GPHN: variants seen among roughly 807,000 people sequenced by gnomAD.
The protein encoded by GPHN is gephyrin.
Under a neutral mutation model 95.5 loss-of-function variants are expected in GPHN, and 17 were observed. The ratio of observed to expected loss-of-function variants is 0.18; its 90% CI spans 0.12 to 0.27. GPHN has a LOEUF of 0.27. Ranked by LOEUF, GPHN falls within the 10% of genes least tolerant of loss-of-function variation. The pLI, the probability that GPHN is intolerant of heterozygous loss-of-function variation, is 1.00. For synonymous variants in GPHN, 320 were observed against 322.5 expected (o/e 0.99, Z 0.08); for missense variants, 660 against 978.1 (o/e 0.67, Z 4.34).
intron 12 of GPHN, among the ~76,000 whole-genome samples, chr14:67,089,754 G>C (rs2077072329): frequency 6.6e-6 from 1 of 152,142 alleles, no homozygotes; most frequent in South Asian, 2.1e-4. Flanking sequence ...TTCTCTAGAA[G>C]ACATCATATT....
intron 1 of GPHN, among the ~76,000 whole-genome samples, chr14:66,545,610 T>C: frequency 1.8e-5 from 2 of 110,752 alleles, no homozygotes; most frequent in Admixed American, 9.0e-5. Context: ...GGCGGGGGGC[T>C]GACCCCCCCA....
At chr14:67,471,621 C>G in the GPHN span, 1 of 152,182 alleles carries the variant, frequency 6.6e-6, no homozygotes, top group Non-Finnish European at 1.5e-5. Context: ...ATTTGAGGAG[C>G]CTGCCCAGGA....
At chr14:66,569,203 TC>T (rs1290067374) in intron 1 of GPHN, among the ~76,000 whole-genome samples, 2 of 152,204 alleles carry the variant, frequency 1.3e-5, no homozygotes, top group African/African-American at 4.8e-5. Context: ...CAACCTTAAA[TC>T]TTTTAGTGTT....
chr14:67,731,758 C>T, the GPHN span, among the ~76,000 whole-genome samples: 2 of 151,962 alleles, frequency 1.3e-5, no homozygotes, highest in Non-Finnish European at 2.9e-5. Context: ...GTGGTTACTT[C>T]CAGGGAGTTT....
intron 1 of GPHN, among the ~76,000 whole-genome samples, chr14:66,575,774 G>A (rs529930321): frequency 6.6e-6 from 1 of 152,106 alleles, no homozygotes; most frequent in Non-Finnish European, 1.5e-5. Context: ...CTGTGTCTAT[G>A]GGGGGCTGGC....
intron 2 of GPHN, among the ~76,000 whole-genome samples, chr14:66,741,971 A>T (rs1156682872): frequency 1.3e-5 from 2 of 152,170 alleles, no homozygotes; most frequent in Non-Finnish European, 2.9e-5. Flanking sequence ...GGTTCCAGTG[A>T]GTCTTTCTTT....
intron 2 of GPHN, among the ~76,000 whole-genome samples, chr14:66,697,769 C>G (rs1403966961): frequency 1.3e-5 from 2 of 150,058 alleles, no homozygotes; most frequent in Non-Finnish European, 2.9e-5. Context: ...CTTACTGCTG[C>G]TTCTGCCTCC....
At chr14:67,569,813 C>A in the GPHN span, 1 of 733,606 alleles carries the variant, frequency 1.4e-6, no homozygotes, top group Non-Finnish European at 2.4e-6. Flanking sequence ...TGAGATCTGT[C>A]ACTGGCCTGC....
At chr14:67,490,906 GATATGCCCCCC>G in the GPHN span, among the ~76,000 whole-genome samples, 2 of 152,176 alleles carry the variant, frequency 1.3e-5, no homozygotes, top group Admixed American at 1.3e-4. Flanking sequence ...GAGGGGGGCA[GATATGCCCCCC>G]ATATCTGGTC....
chr14:67,730,812 C>G, the GPHN span, among the ~76,000 whole-genome samples: 1 of 152,124 alleles, frequency 6.6e-6, no homozygotes, highest in Admixed American at 6.6e-5. Flanking sequence ...CCATGTTGGC[C>G]AGGCTGGTCT....
At chr14:67,678,073 T>A in the GPHN span, 1 of 389,518 alleles carries the variant, frequency 2.6e-6, no homozygotes, top group Non-Finnish European at 4.8e-6. Flanking sequence ...CATATGAGGG[T>A]CTTCTTATCC....
At chr14:66,577,619 T>G (rs1486004174) in intron 1 of GPHN, among the ~76,000 whole-genome samples, 1 of 152,268 alleles carries the variant, frequency 6.6e-6, no homozygotes, top group East Asian at 1.9e-4. Flanking sequence ...TGAATACATA[T>G]GCAATCTGCT....
At chr14:67,519,719 T>G in the GPHN span, among the ~76,000 whole-genome samples, 2 of 151,786 alleles carry the variant, frequency 1.3e-5, no homozygotes, top group African/African-American at 4.8e-5. Context: ...AGTTTGTTTT[T>G]TTTTTTTTTT....
chr14:67,438,230 G>T, the GPHN span, among the ~76,000 whole-genome samples: 1 of 152,288 alleles, frequency 6.6e-6, no homozygotes, highest in South Asian at 2.1e-4. Flanking sequence ...CTTTTCCAGT[G>T]CCCTGGCTTG....
At chr14:67,317,005 A>G in the GPHN span, 4 of 879,906 alleles carry the variant, frequency 4.5e-6, no homozygotes, top group East Asian at 5.3e-5. Flanking sequence ...ACTCAGGGAA[A>G]GAGTGATACA....
chr14:66,789,386 A>G (rs2059895038), intron 3 of GPHN, among the ~76,000 whole-genome samples: 1 of 152,192 alleles, frequency 6.6e-6, no homozygotes, highest in Non-Finnish European at 1.5e-5. Flanking sequence ...TTTTATTTTT[A>G]AGCCATTTAA....
At chr14:67,355,449 C>CAAA in the GPHN span, among the ~76,000 whole-genome samples, 314 of 18,874 alleles carry the variant, frequency 0.017, 17 homozygotes, top group Middle Eastern at 0.1. Context: ...GACCCTGTCT[C>CAAA]AAAAAAAAAA....
Position 66,965,179 on chromosome 14 carries a change from C to A in GPHN, c.829-12C>A. The A allele has an allele frequency of 6.2e-7, 1 of 1,607,802 alleles. No individual in the cohort carries two copies. Among genetic ancestry groups the A allele is most frequent in the Non-Finnish European group, 8.5e-7 (1 of 1,174,448 alleles). On this transcript the variant is annotated splice_polypyrimidine_tract_variant and intron_variant, in intron 8 of 22. Coordinates refer to ENST00000478722, the MANE Select transcript of GPHN (RefSeq NM_020806.5). ...TTCAGAATATTAAACCATAGTTGTT[C>A]CCCTTGTTCAGATTCCAGACTCCAT...
chr14:67,181,181 T>C lies in GPHN; in HGVS notation c.*244T>C. 1 of 549,386 alleles carries C rather than the reference T, an allele frequency of 1.8e-6. No homozygotes were observed. The highest frequency in any genetic ancestry group is 3.1e-5 in the East Asian group (1 of 31,914). The allele number at this position is 549,386 out of a possible 1,614,324, so 34.0% of individuals were successfully genotyped here. On this transcript the variant is annotated 3_prime_UTR_variant, in exon 23 of 23. Transcript: ENST00000478722. ...AATTTTTCCTTTCTTGCAAATTGCTTTGTGTGTTCAATGCTAGGTCTGATA... is the reference window on the plus strand; with the variant it reads ...AATTTTTCCTTTCTTGCAAATTGCTCTGTGTGTTCAATGCTAGGTCTGATA...
Sources: allele counts gnomAD v4.1 joint callset (sites outside exome capture counted in the v4.1 genomes callset), GRCh38; gene constraint gnomAD v4.1.1; transcripts MANE v1.5; gene names NCBI Gene and HGNC (gene_info 2026-07-23, HGNC 2026-07-21).